Variants in PHC1 observed in about 807,000 individuals in gnomAD.
PHC1 encodes the protein polyhomeotic-like protein 1.
A neutral mutation model predicts 104.3 loss-of-function variants in PHC1; 12 were observed. The ratio of observed to expected loss-of-function variants is 0.12; its 90% CI spans 0.07 to 0.19. The LOEUF (loss-of-function observed/expected upper bound fraction) is 0.19, where lower values mean the gene tolerates loss of function less well. Among genes scored for constraint, PHC1 ranks in the 10% least tolerant of loss-of-function variants. The pLI, the probability that PHC1 is intolerant of heterozygous loss-of-function variation, is 1.00. For synonymous variants in PHC1, 302 were observed against 455.8 expected (o/e 0.66, Z 4.30); for missense variants, 671 against 1,200.0 (o/e 0.56, Z 6.51).
At chr12:8,928,514 C>T (rs1325027399) in intron 6 of PHC1, among the ~76,000 whole-genome samples, 1 of 152,104 alleles carries the variant, frequency 6.6e-6, no homozygotes, top group East Asian at 1.9e-4. Context: ...CAGTAACGAG[C>T]CTTCTGATTT....
rs199871312 is a variant in PHC1 at position 8,921,583 on chromosome 12, C to T, written c.307-18C>T. ...TTCTCCCAAATCCTTAGTCCTGGTT[C>T]CTTTCTGTACCACACAGATCAATCT... On this transcript the variant is annotated intron_variant, in intron 4 of 14. Coordinates refer to ENST00000544916, the MANE Select transcript of PHC1 (RefSeq NM_004426.3). The T allele has an allele frequency of 2.5e-6, 4 of 1,612,968 alleles. No homozygotes were observed. The highest frequency in any genetic ancestry group is 3.4e-6 in the Non-Finnish European group (4 of 1,179,460).
At chr12:8,927,143 A>G (rs752870965) in intron 6 of PHC1, among the ~76,000 whole-genome samples, 7 of 152,318 alleles carry the variant, frequency 4.6e-5, no homozygotes, top group South Asian at 2.1e-4. Context: ...GCATGCGCGC[A>G]TGCGTGGGCA....
chr12:8,925,746 A>T (rs927808772), intron 6 of PHC1, among the ~76,000 whole-genome samples: 1 of 152,158 alleles, frequency 6.6e-6, no homozygotes, highest in African/African-American at 2.4e-5. Context: ...GGCTTTTTAT[A>T]AAAAGCAATT....
Position 8,924,395 on chromosome 12 carries a change from G to A in PHC1, c.612+1607G>A, listed in dbSNP as rs146610029. Among the ~76,000 whole-genome samples, 533 of 152,310 alleles carry A rather than the reference G, an allele frequency of 3.5e-3. 4 individuals carry two copies. The highest frequency in any genetic ancestry group is 0.012 in the African/African-American group (497 of 41,578). On this transcript the variant is annotated intron_variant, in intron 6 of 14. Transcript: ENST00000544916. Reference sequence around the variant, plus strand: ...GGAGGTTGAGACAGAAGAATTGCTTGAATCTGGGAGGTGGAGGTTGCAGTG... The same window carrying A: ...GGAGGTTGAGACAGAAGAATTGCTTAAATCTGGGAGGTGGAGGTTGCAGTG...
rs1945942721 is a variant in PHC1 at position 8,939,384 on chromosome 12, T to C, written c.2940T>C (p.Leu980=). The C allele has an allele frequency of 6.2e-7, 1 of 1,601,072 alleles. No homozygotes were observed. Among genetic ancestry groups the C allele is most frequent in the Non-Finnish European group, 8.6e-7 (1 of 1,169,034 alleles). Residue 980 remains leucine, a synonymous_variant, in exon 15 of 15, where the codon CTT becomes CTC. Coordinates refer to ENST00000544916, the MANE Select transcript of PHC1 (RefSeq NM_004426.3). The part of the protein sequence containing the change: ...QALLLLKEEH[L]MSAMNIKLGP... ...TTTTATTACTTAAAGAAGAACATCT[T>C]ATGAGTGCCATGAACATCAAGCTGG...
chr12:8,927,691 T>G (rs1227876162), intron 6 of PHC1, among the ~76,000 whole-genome samples: 2 of 152,092 alleles, frequency 1.3e-5, no homozygotes, highest in Non-Finnish European at 2.9e-5. Context: ...ATTATGGAAA[T>G]GAAGCTGATT....
chr12:8,939,292 C>A lies in PHC1; in HGVS notation c.2861-13C>A, dbSNP rs1333230063. 1.9e-6 allele frequency: 3 copies of A among 1,614,056 alleles called. No homozygotes were observed. The highest frequency in any genetic ancestry group is 2.2e-5 in the East Asian group (1 of 44,896). On this transcript the variant is annotated splice_polypyrimidine_tract_variant and intron_variant, in intron 14 of 14. Coordinates refer to ENST00000544916, the MANE Select transcript of PHC1 (RefSeq NM_004426.3). ...ATCTGGCATTACCTACATGTTCTCA[C>A]CATTTCTTCTAGGCTGCCAAGAGAT...
chr12:8,928,423 C>T (rs201055521), intron 6 of PHC1, among the ~76,000 whole-genome samples: 30 of 65,942 alleles, frequency 4.5e-4, no homozygotes, highest in South Asian at 2.8e-3. Flanking sequence ...CTCGTCATAA[C>T]CTGTTAAAAT....
At chr12:8,929,509 T>A (rs181534323) in intron 6 of PHC1, among the ~76,000 whole-genome samples, 2,014 of 152,012 alleles carry the variant, frequency 0.013, 19 homozygotes, top group Non-Finnish European at 0.019. Flanking sequence ...ACATTTTTTT[T>A]AATAATATTT....
At chr12:8,922,924 A>T (rs1182718467) in intron 6 of PHC1, 136 bp downstream of exon 6, 1 of 711,590 alleles carries the variant, frequency 1.4e-6, no homozygotes, top group East Asian at 2.8e-5. Context: ...CCTTCCCTTA[A>T]TCACCATAGA....
At chr12:8,923,880 A>G (rs1351125222) in intron 6 of PHC1, among the ~76,000 whole-genome samples, 6 of 152,090 alleles carry the variant, frequency 3.9e-5, no homozygotes, top group Admixed American at 3.9e-4. Context: ...ATTAAAAATA[A>G]CAATACAAGA....
Position 8,919,918 on chromosome 12 carries a change from G to C in PHC1, c.225+52G>C, listed in dbSNP as rs1162008185. 1 of 1,573,130 alleles carries C rather than the reference G, an allele frequency of 6.4e-7. No individual in the cohort carries two copies. Among genetic ancestry groups the C allele is most frequent in the South Asian group, 1.2e-5 (1 of 86,790 alleles). ...GAGAGGGAGGGGACAGGCACTACAG[G>C]TGGGTAGGGGAGATTTTTTGGGCAT... is the stretch of plus-strand genomic sequence containing the variant. On this transcript the variant is annotated intron_variant, in intron 3 of 14. Transcript: ENST00000544916. The surrounding 1 kb of genome is among the most constrained non-coding windows in gnomAD (Gnocchi z 4.9).
At position 8,918,638 on chromosome 12, in the gene PHC1, T is replaced by C. The variant is rs180910822; in HGVS notation, c.114+847T>C. On this transcript the variant is annotated intron_variant, in intron 2 of 14. Transcript: ENST00000544916. Reference sequence around the variant, plus strand: ...ACACTCCACCATGCCCAGCTTTTTTTCTTATTTTCTTTACATTAATCGGCA... The same window carrying C: ...ACACTCCACCATGCCCAGCTTTTTTCCTTATTTTCTTTACATTAATCGGCA... Among the ~76,000 whole-genome samples, 3 of 152,308 alleles carry C rather than the reference T, an allele frequency of 2.0e-5. No homozygotes were observed. In the East Asian group the frequency reaches 5.8e-4, roughly 29 times the overall value.
At chr12:8,929,695 T>C (rs926736282) in intron 6 of PHC1, among the ~76,000 whole-genome samples, 2 of 152,048 alleles carry the variant, frequency 1.3e-5, no homozygotes, top group Non-Finnish European at 1.5e-5. Flanking sequence ...ACCTGGCTAA[T>C]TTTCTGTATT....
chr12:8,938,087 C>G, intron 14 of PHC1, 27 bp downstream of exon 14: 1 of 1,544,848 alleles, frequency 6.5e-7, no homozygotes, highest in African/African-American at 1.4e-5. Flanking sequence ...CAACAGAACC[C>G]AGGTTGTTTT....
At chr12:8,931,034 C>G (rs1381477869) in intron 7 of PHC1, 107 bp downstream of exon 7, 1 of 1,158,254 alleles carries the variant, frequency 8.6e-7, no homozygotes, top group African/African-American at 1.6e-5. Flanking sequence ...TTCCCCGCTT[C>G]TGTTGGTCCT....
At chr12:8,932,474 C>T (rs1945714012) in intron 7 of PHC1, 89 bp from the exon 8 acceptor site, 2 of 1,421,952 alleles carry the variant, frequency 1.4e-6, no homozygotes, top group Admixed American at 4.0e-5. Context: ...TAGGTTATAC[C>T]TTGGAAAAAT....
At chr12:8,915,314 T>TA (rs896732296) in intron 1 of PHC1, 1 of 152,284 alleles carries the variant, frequency 6.6e-6, no homozygotes, top group African/African-American at 2.4e-5. Context: ...CAAGGTTCTA[T>TA]ATAGAACGAG....
At chr12:8,931,603 A>G (rs1469864625) in intron 7 of PHC1, among the ~76,000 whole-genome samples, 2 of 152,288 alleles carry the variant, frequency 1.3e-5, no homozygotes, top group Middle Eastern at 3.4e-3. Context: ...GGGAGGCTGA[A>G]GCAGGAGAGT....
Sources: gnomAD v4.1 joint callset for allele counts (sites outside exome capture counted in the v4.1 genomes callset) on GRCh38, gnomAD v4.1.1 for gene constraint, Gnocchi (gnomAD v3.1) non-coding constraint, MANE v1.5 for transcripts, NCBI Gene and HGNC (gene_info 2026-07-23, HGNC 2026-07-21) for gene names.